The following MAEL variants were observed in gnomAD, a reference collection of about 807,000 sequenced individuals.
MAEL encodes maelstrom spermatogenic transposon silencer.
In MAEL, 46 loss-of-function variants were observed where a neutral mutation model predicts 62.0. The ratio of observed to expected loss-of-function variants is 0.74; its 90% CI spans 0.59 to 0.95. The LOEUF is 0.95. Ranked by LOEUF, MAEL falls within the 40% of genes least tolerant of loss-of-function variation. The probability of loss-of-function intolerance (pLI) is 0.00; values close to 1 mark genes in which losing one functional copy is unlikely to be tolerated. For synonymous variants in MAEL, 172 were observed against 175.5 expected (o/e 0.98, Z 0.16); for missense variants, 497 against 526.8 (o/e 0.94, Z 0.55).
chr1:167,004,892 T>C (rs1228573431), intron 6 of MAEL, among the ~76,000 whole-genome samples, 184 bp from the exon 7 acceptor site: 1 of 152,188 alleles, frequency 6.6e-6, no homozygotes, highest in Non-Finnish European at 1.5e-5. Flanking sequence ...ATAGCTGTAG[T>C]CTTTTCTAAT....
upstream of MAEL, among the ~76,000 whole-genome samples, chr1:166,984,174 G>A (rs1663846550): frequency 6.6e-6 from 1 of 151,964 alleles, no homozygotes; most frequent in South Asian, 2.1e-4. Flanking sequence ...CAAAATCCTA[G>A]GACTCCTCCT....
chr1:166,983,728 G>A (rs752160489), intron 1 of MAEL, among the ~76,000 whole-genome samples: 2 of 152,092 alleles, frequency 1.3e-5, no homozygotes, highest in Non-Finnish European at 2.9e-5. Flanking sequence ...AAGGAGAGGA[G>A]CAGTGGCTCA....
chr1:166,983,062 C>A (rs749591994), intron 1 of MAEL, among the ~76,000 whole-genome samples: 6 of 152,146 alleles, frequency 3.9e-5, no homozygotes, highest in Non-Finnish European at 5.9e-5. Flanking sequence ...CTTCATTGGA[C>A]TTATTGTCCA....
At chr1:167,000,950 C>T (rs1280817257) in intron 5 of MAEL, among the ~76,000 whole-genome samples, 1 of 152,244 alleles carries the variant, frequency 6.6e-6, no homozygotes, top group Admixed American at 6.5e-5. Context: ...AACTTGCACA[C>T]ACATGTTTAT....
At chr1:167,010,468 G>C (rs368158868) in intron 8 of MAEL, among the ~76,000 whole-genome samples, 1 of 151,582 alleles carries the variant, frequency 6.6e-6, no homozygotes, top group South Asian at 2.1e-4. Context: ...TTTTTTTAAA[G>C]AGAGTCTTGC....
intron 10 of MAEL, among the ~76,000 whole-genome samples, chr1:167,020,152 C>T (rs1042551996): frequency 2.0e-5 from 3 of 152,196 alleles, no homozygotes; most frequent in African/African-American, 7.2e-5. Flanking sequence ...CATTGCACAA[C>T]TCCAGGACAC....
chr1:167,003,791 T>G (rs1664776438), intron 5 of MAEL, among the ~76,000 whole-genome samples: 1 of 152,238 alleles, frequency 6.6e-6, no homozygotes, highest in South Asian at 2.1e-4. Context: ...TAACTTTTTA[T>G]AAAGCAGTCA....
intron 5 of MAEL, among the ~76,000 whole-genome samples, chr1:167,001,350 G>A (rs1020007615): frequency 6.6e-6 from 1 of 152,086 alleles, no homozygotes; most frequent in Non-Finnish European, 1.5e-5. Flanking sequence ...AATCTCACAA[G>A]TCACCACTAA....
intron 8 of MAEL, chr1:167,005,891 G>A (rs1664874037): frequency 1.3e-5 from 2 of 152,306 alleles, no homozygotes; most frequent in Admixed American, 1.3e-4. Flanking sequence ...TTGAGGGTAA[G>A]TTGCTATCAT....
At chr1:166,991,557 T>G (rs1053813370) in intron 3 of MAEL, 80 bp downstream of exon 3, 1 of 840,250 alleles carries the variant, frequency 1.2e-6, no homozygotes. Context: ...ATATTTTCTG[T>G]TCATTTTGAT....
At chr1:167,018,365 C>T (rs996472905) in intron 10 of MAEL, among the ~76,000 whole-genome samples, 14 of 152,090 alleles carry the variant, frequency 9.2e-5, no homozygotes, top group African/African-American at 3.1e-4. Flanking sequence ...CCCTCCCTGC[C>T]GTTTACTTAT....
chr1:166,989,762 A>G lies in MAEL; in HGVS notation c.158A>G (p.Lys53Arg), dbSNP rs1188127658. 6.2e-7 allele frequency: 1 copy of G among 1,613,928 alleles called. No individual in the cohort carries two copies. The highest frequency in any genetic ancestry group is 8.5e-7 in the Non-Finnish European group (1 of 1,180,020). The change falls in exon 2 of 12, where the codon AAA (lysine) becomes AGA (arginine). Residue 53 changes from lysine to arginine, a missense_variant. Physicochemically the swap from Lys to Arg is conservative, Grantham distance 26. Transcript: ENST00000367872. ...WALLREEEKE[K>R]YAEMAREWRA... is the part of the protein sequence containing the mutation. ...CTTCTGAGGGAGGAAGAAAAGGAGA[A>G]ATACGCAGAAATGGCTCGAGAATGG... is the stretch of plus-strand genomic sequence containing the variant.
At chr1:166,991,279 A>G (rs1365835290) in intron 2 of MAEL, 99 bp from the exon 3 acceptor site, 3 of 720,862 alleles carry the variant, frequency 4.2e-6, no homozygotes, top group Admixed American at 2.0e-5. Flanking sequence ...GACCTTGGTA[A>G]TCTATAGGCT....
intron 1 of MAEL, among the ~76,000 whole-genome samples, chr1:166,983,721 G>T (rs1250864100): frequency 6.6e-6 from 1 of 152,112 alleles, no homozygotes; most frequent in African/African-American, 2.4e-5. Context: ...ATCAAAGAAG[G>T]AGAGGAGCAG....
intron 5 of MAEL, among the ~76,000 whole-genome samples, chr1:166,996,746 G>A (rs912286852): frequency 5.9e-5 from 9 of 152,150 alleles, no homozygotes; most frequent in Non-Finnish European, 7.4e-5. Flanking sequence ...TAAATGATGT[G>A]TTTAATTTTA....
At chr1:167,011,192 G>T (rs987377809) in intron 8 of MAEL, among the ~76,000 whole-genome samples, 1 of 152,022 alleles carries the variant, frequency 6.6e-6, no homozygotes, top group Non-Finnish European at 1.5e-5. Flanking sequence ...CCTTCCCCAA[G>T]TTTTTTCTGG....
Position 166,989,493 on chromosome 1 carries a change from G to T in MAEL, c.132+9G>T. On this transcript the variant is annotated intron_variant, in intron 1 of 11. Transcript: ENST00000367872. ...GCTCCTCAGACTGGGCGGTAAGGCT[G>T]GAGCGGAGTGAGAGGGCTGGGCAGG... The T allele has an allele frequency of 6.3e-7, 1 of 1,580,868 alleles. No individual in the cohort carries two copies. Among genetic ancestry groups the T allele is most frequent in the South Asian group, 1.2e-5 (1 of 86,396 alleles).
At chr1:166,992,622 C>G (rs2102071824) in intron 3 of MAEL, 64 bp from the exon 4 acceptor site, 1 of 1,247,050 alleles carries the variant, frequency 8.0e-7, no homozygotes, top group East Asian at 2.6e-5. Flanking sequence ...ACTAAAGAGG[C>G]TTTTGTGGAA....
At chr1:166,999,535 T>C (rs1213422841) in intron 5 of MAEL, among the ~76,000 whole-genome samples, 2 of 152,206 alleles carry the variant, frequency 1.3e-5, no homozygotes, top group East Asian at 3.8e-4. Flanking sequence ...AAAGAAGCCA[T>C]CTCTATAACA....
Sources: gnomAD v4.1 joint callset for allele counts (sites outside exome capture counted in the v4.1 genomes callset) on GRCh38, gnomAD v4.1.1 for gene constraint, MANE v1.5 for transcripts, NCBI Gene and HGNC (gene_info 2026-07-23, HGNC 2026-07-21) for gene names.